Variants in YARS1 observed in about 807,000 individuals in gnomAD.
YARS1 encodes the protein tyrosyl-tRNA synthetase 1.
YARS1 carries 36 observed loss-of-function variants against 62.2 expected under a neutral mutation model. That is an observed-to-expected ratio of 0.58 (90% CI 0.44 to 0.76). The LOEUF is 0.76. YARS1 is among the 30% of genes least tolerant of loss of function. YARS1 has a pLI of 0.00. For missense variants in YARS1, 524 were observed against 639.8 expected (o/e 0.82, Z 1.95); for synonymous variants, 234 against 244.9 (o/e 0.96, Z 0.42).
At chr1:32,792,837 G>A (rs1323803764) in intron 5 of YARS1, among the ~76,000 whole-genome samples, 2 of 151,224 alleles carry the variant, frequency 1.3e-5, no homozygotes, top group Admixed American at 6.6e-5. Flanking sequence ...CTGAGATTGC[G>A]CCACTGCACT....
chr1:32,804,280 G>A (rs1308311494), intron 4 of YARS1, among the ~76,000 whole-genome samples: 1 of 152,088 alleles, frequency 6.6e-6, no homozygotes, highest in Non-Finnish European at 1.5e-5. Context: ...GGTGGCCGCC[G>A]GGCAGAGGGG....
chr1:32,784,098 G>A (rs1653144702), intron 8 of YARS1, among the ~76,000 whole-genome samples: 1 of 151,182 alleles, frequency 6.6e-6, no homozygotes, highest in African/African-American at 2.4e-5. Context: ...TTGATCTCCT[G>A]GGCTCAAGCG....
chr1:32,783,652 T>C (rs758084926), intron 8 of YARS1: 1 of 152,214 alleles, frequency 6.6e-6, no homozygotes, highest in African/African-American at 2.4e-5. Flanking sequence ...AAGAATCTTC[T>C]AGATATTCTG....
chr1:32,800,051 G>A (rs1638238533), intron 4 of YARS1, among the ~76,000 whole-genome samples: 1 of 152,060 alleles, frequency 6.6e-6, no homozygotes, highest in African/African-American at 2.4e-5. Flanking sequence ...CATGATCTCG[G>A]CTCACTGCAA....
intron 8 of YARS1, among the ~76,000 whole-genome samples, chr1:32,784,179 ATT>A (rs774872672): frequency 9.6e-5 from 13 of 135,136 alleles, no homozygotes; most frequent in Admixed American, 7.5e-5. Context: ...CAGTATTTTG[ATT>A]TTTTTTTTTT....
chr1:32,789,618 T>C (rs1653348058), intron 6 of YARS1, among the ~76,000 whole-genome samples: 1 of 151,264 alleles, frequency 6.6e-6, no homozygotes, highest in Non-Finnish European at 1.5e-5. Context: ...AGACGGAGTC[T>C]CACTCTGTGG....
chr1:32,779,111 C>T (rs568540694), intron 12 of YARS1, among the ~76,000 whole-genome samples: 3 of 152,230 alleles, frequency 2.0e-5, no homozygotes, highest in Admixed American at 1.3e-4. Context: ...GGGATAATCT[C>T]CTATTACAGA....
chr1:32,799,767 G>A (rs772837433), intron 4 of YARS1, among the ~76,000 whole-genome samples: 1 of 152,112 alleles, frequency 6.6e-6, no homozygotes, highest in Admixed American at 6.5e-5. Context: ...TAGGACTAGA[G>A]GCTACCACAT....
chr1:32,786,364 C>G lies in YARS1; in HGVS notation c.904G>C (p.Glu302Gln). ...YVDLEKDFAA[E>Q]VVHPGDLKNS... The stretch of plus-strand genomic sequence containing the variant: ...GATTCCTTTTCCTTTCATGTTACCT[C>G]AGCAGCAAAGTCCTTTTCCAGGTCC... Residue 302 changes from glutamate to glutamine, a missense_variant and splice_region_variant, in exon 8 of 13, where the codon GAG (glutamate) becomes CAG (glutamine). Transcript: ENST00000373477. 6.2e-7 allele frequency: 1 copy of G among 1,613,968 alleles called. No homozygotes were observed. The highest frequency in any genetic ancestry group is 8.5e-7 in the Non-Finnish European group (1 of 1,179,926).
At chr1:32,811,835 C>T (rs147252128) in intron 1 of YARS1, among the ~76,000 whole-genome samples, 142 of 151,862 alleles carry the variant, frequency 9.4e-4, no homozygotes, top group Non-Finnish European at 1.6e-3. Context: ...GGGACATGCC[C>T]CTAACTGCAT....
At chr1:32,793,558 C>T (rs1156777251) in intron 5 of YARS1, among the ~76,000 whole-genome samples, 3 of 152,188 alleles carry the variant, frequency 2.0e-5, no homozygotes, top group East Asian at 1.9e-4. Context: ...GTGGGAGGAT[C>T]ATCTGAGCCC....
At chr1:32,787,121 GA>G in intron 6 of YARS1, 46 bp from the exon 7 acceptor site, 1 of 1,612,048 alleles carries the variant, frequency 6.2e-7, no homozygotes, top group South Asian at 1.1e-5. Context: ...TTGAAAATGA[GA>G]ATATGCTCAA....
chr1:32,779,623 G>A, intron 11 of YARS1, 100 bp from the exon 12 acceptor site: 1 of 1,480,190 alleles, frequency 6.8e-7, no homozygotes, highest in Non-Finnish European at 9.4e-7. Context: ...GCCCTGATGG[G>A]ATTTAGGGCA....
At chr1:32,806,709 T>C in intron 3 of YARS1, 98 bp from the exon 4 acceptor site, 1 of 1,488,198 alleles carries the variant, frequency 6.7e-7, no homozygotes, top group East Asian at 2.3e-5. Flanking sequence ...CTAACCTTAG[T>C]GTAACCAGGG....
intron 10 of YARS1, 187 bp downstream of exon 10, chr1:32,780,861 G>T: frequency 1.5e-6 from 1 of 654,038 alleles, no homozygotes; most frequent in Non-Finnish European, 2.8e-6. Context: ...GGCTGTGTTT[G>T]GTTGCATAAT....
At chr1:32,793,726 T>A (rs1653486368) in intron 5 of YARS1, among the ~76,000 whole-genome samples, 1 of 152,096 alleles carries the variant, frequency 6.6e-6, no homozygotes, top group Non-Finnish European at 1.5e-5. Context: ...AGACATATTA[T>A]CTGTAAAGGA....
chr1:32,804,527 G>C (rs1278809320), intron 4 of YARS1, among the ~76,000 whole-genome samples: 1 of 150,926 alleles, frequency 6.6e-6, no homozygotes, highest in Admixed American at 6.6e-5. Flanking sequence ...GGGGCGGCTG[G>C]GCAAAGACGC....
At position 32,779,406 on chromosome 1, in the gene YARS1, C is replaced by T. The variant is rs1441444049; in HGVS notation, c.1452G>A (p.Lys484=). 1.2e-6 allele frequency: 2 copies of T among 1,614,224 alleles called. No homozygotes were observed. The highest frequency in any genetic ancestry group is 1.7e-5 in the Admixed American group (1 of 60,014). Residue 484 remains lysine, a synonymous_variant, in exon 12 of 13, where the codon AAG becomes AAA. Coordinates refer to ENST00000373477, the MANE Select transcript of YARS1 (RefSeq NM_003680.4). ...CCTGCAACTTCTCGAAGACTTTCTT[C>T]TTGGGCTTGAGCTCCTCATCTGGTT... ...KGQPDEELKP[K]KKVFEKLQAD...
intron 4 of YARS1, 66 bp from the exon 5 acceptor site, chr1:32,797,909 C>T (rs773594454): frequency 4.1e-6 from 6 of 1,448,956 alleles, no homozygotes; most frequent in Admixed American, 3.5e-5. Flanking sequence ...CTCGCTCTGT[C>T]GCCCAGGCTG....
Sources: gnomAD v4.1 joint callset for allele counts (sites outside exome capture counted in the v4.1 genomes callset) on GRCh38, gnomAD v4.1.1 for gene constraint, MANE v1.5 for transcripts, NCBI Gene and HGNC (gene_info 2026-07-23, HGNC 2026-07-21) for gene names.